LHX9: variants seen among roughly 807,000 people sequenced by gnomAD.
LHX9 encodes the protein LIM/homeobox protein Lhx9.
Under a neutral mutation model 36.5 loss-of-function variants are expected in LHX9, and 9 were observed. The ratio of observed to expected loss-of-function variants is 0.25; its 90% CI spans 0.15 to 0.43. The LOEUF (loss-of-function observed/expected upper bound fraction) is 0.43. Among genes scored for constraint, LHX9 ranks in the 20% least tolerant of loss-of-function variants. LHX9 has a pLI of 1.00. For synonymous variants in LHX9, 211 were observed against 212.1 expected (o/e 0.99, Z 0.04); for missense variants, 464 against 526.4 (o/e 0.88, Z 1.16).
chr1:197,929,663 C>A lies in LHX9; in HGVS notation c.*404C>A. The A allele has an allele frequency of 1.1e-6, 1 of 909,304 alleles. No homozygotes were observed. Among genetic ancestry groups the A allele is most frequent in the Non-Finnish European group, 1.3e-6 (1 of 760,656 alleles). 56.3% of individuals were successfully genotyped at this position (909,304 alleles called of 1,614,324 possible). On this transcript the variant is annotated 3_prime_UTR_variant, in exon 5 of 5. Transcript: ENST00000367387. Reference sequence around the variant, plus strand: ...CTTAAATGATTAGGTTAATAAAGAACCAGATAATTAATTAGTTACTTTTTA... The same window carrying A: ...CTTAAATGATTAGGTTAATAAAGAAACAGATAATTAATTAGTTACTTTTTA...
rs1233011391 is a variant in LHX9 at position 197,933,925 on chromosome 1, T to C, written c.*4666T>C. On this transcript the variant is annotated 3_prime_UTR_variant, in exon 5 of 5. Coordinates refer to ENST00000367387, the MANE Select transcript of LHX9 (RefSeq NM_020204.3). ...AATAGAAAAATGTGGACCTCTTAGT[T>C]GAGAGCAGGACACTAAATTTTCATA... 6.6e-6 allele frequency: 1 copy of C among 152,112 alleles called. No homozygotes were observed. The highest frequency in any genetic ancestry group is 1.5e-5 in the Non-Finnish European group (1 of 68,008). 9.4% of individuals were successfully genotyped at this position (152,112 alleles called of 1,614,324 possible).
Position 197,933,135 on chromosome 1 carries a change from T to A in LHX9, c.*3876T>A, listed in dbSNP as rs2102606445. The A allele has an allele frequency of 6.6e-6, 1 of 152,178 alleles. No individual in the cohort carries two copies. The highest frequency in any genetic ancestry group is 1.9e-4 in the East Asian group (1 of 5,190). 9.4% of individuals were successfully genotyped at this position (152,178 alleles called of 1,614,324 possible). ...TTTTAGCTATTCCTATTTAGCCGTA[T>A]ATCCAAAGCATATGTTAAACAAACT... On this transcript the variant is annotated 3_prime_UTR_variant, in exon 5 of 5. Transcript: ENST00000367387.
At position 197,921,853 on chromosome 1, in the gene LHX9, T is replaced by C. The variant is rs1479716449; in HGVS notation, c.733+194T>C. 6.6e-6 allele frequency among the ~76,000 whole-genome samples: 1 copy of C among 152,200 alleles called. No individual in the cohort carries two copies. Among genetic ancestry groups the C allele is most frequent in the African/African-American group, 2.4e-5 (1 of 41,444 alleles). On this transcript the variant is annotated intron_variant, in intron 3 of 4. Transcript: ENST00000367387. The surrounding 1 kb of genome is among the most constrained non-coding windows in gnomAD (Gnocchi z 4.6). Reference sequence around the variant, plus strand: ...GGGAAGGGAGGGAGAGGCAGCACTTTATTTAGGTTGTGGCAAAAAACACAT... The same window carrying C: ...GGGAAGGGAGGGAGAGGCAGCACTTCATTTAGGTTGTGGCAAAAAACACAT...
chr1:197,917,776 C>G lies in LHX9; in HGVS notation c.-48C>G. 6.2e-7 allele frequency: 1 copy of G among 1,613,908 alleles called. No individual in the cohort carries two copies. The highest frequency in any genetic ancestry group is 8.5e-7 in the Non-Finnish European group (1 of 1,179,914). On this transcript the variant is annotated 5_prime_UTR_variant, in exon 1 of 5. Coordinates refer to ENST00000367387, the MANE Select transcript of LHX9 (RefSeq NM_020204.3). ...CTCCTACAGGGCAGCCCTCTCTGGTCCCTTGCCTCCTTCACTCGGATGAGC... is the reference window on the plus strand; with the variant it reads ...CTCCTACAGGGCAGCCCTCTCTGGTGCCTTGCCTCCTTCACTCGGATGAGC...
chr1:197,917,944 T>C lies in LHX9; in HGVS notation c.121T>C (p.Ser41Pro), dbSNP rs769590567. The C allele has an allele frequency of 1.9e-6, 3 of 1,613,974 alleles. No homozygotes were observed. Among genetic ancestry groups the C allele is most frequent in the Non-Finnish European group, 2.5e-6 (3 of 1,179,992 alleles). The change falls in exon 1 of 5, where the codon TCC (serine) becomes CCC (proline). Residue 41 changes from serine (S) to proline (P), a missense_variant. Around this residue, in one of 5 missense-constraint regions of LHX9, gnomAD observed 119 missense variants for 102.4 expected, o/e 1.16. Transcript: ENST00000367387. ...CATCATGGAGGAGATGGAGCGCAGATCCAAGACTGAGGCCCGTCTGGCCAA... is the reference window on the plus strand; with the variant it reads ...CATCATGGAGGAGATGGAGCGCAGACCCAAGACTGAGGCCCGTCTGGCCAA... ...QGIMEEMERR[S>P]KTEARLAKGA...
At chr1:197,916,795 G>A (rs1440915361), upstream of LHX9, 1 of 702,908 alleles carries the variant, frequency 1.4e-6, no homozygotes, top group South Asian at 1.5e-5. Context: ...TTTTAAAAGT[G>A]GATTGAGGAA....
At chr1:197,920,236 C>A (rs982801593) in intron 2 of LHX9, 62 bp downstream of exon 2, 2 of 1,490,234 alleles carry the variant, frequency 1.3e-6, no homozygotes, top group Non-Finnish European at 1.9e-6. Flanking sequence ...TCTGCCTGAG[C>A]CCGGAATCCC....
intron 3 of LHX9, among the ~76,000 whole-genome samples, chr1:197,922,988 T>C (rs1360988829): frequency 2.0e-5 from 3 of 152,092 alleles, no homozygotes; most frequent in Non-Finnish European, 4.4e-5. Context: ...CTGCTCTGAG[T>C]TTAGAGTTTT....
At position 197,929,123 on chromosome 1, in the gene LHX9, T is replaced by G; in HGVS notation, c.1058T>G (p.Leu353Arg). ...CCGCCCTCAGCAGACAGCGGAGCTC[T>G]CACTCCACCCGGCACTGCGACCACT... ...PAPPSADSGA[L>R]TPPGTATTLT... The change falls in exon 5 of 5, where the codon CTC becomes CGC. Residue 353 changes from leucine to arginine, a missense_variant. Physicochemically the swap from Leu to Arg is moderately radical, Grantham distance 102. Transcript: ENST00000367387. 1 of 1,613,740 alleles carries G rather than the reference T, an allele frequency of 6.2e-7. No homozygotes were observed. The highest frequency in any genetic ancestry group is 8.5e-7 in the Non-Finnish European group (1 of 1,179,892).
Position 197,921,627 on chromosome 1 carries a change from C to G in LHX9, c.701C>G (p.Ala234Gly), listed in dbSNP as rs778060357. Residue 234 changes from alanine (A) to glycine (G), a missense_variant, in exon 3 of 5, where the codon GCG becomes GGG. Around this residue, in one of 5 missense-constraint regions of LHX9, gnomAD observed 130 missense variants for 109.6 expected, o/e 1.19. Coordinates refer to ENST00000367387, the MANE Select transcript of LHX9 (RefSeq NM_020204.3). This position sits in a 1 kb window ranked among gnomAD's most constrained non-coding sequence, Gnocchi z 4.6. ...KGRPRKRKSP[A>G]LGVDIVNYNS... ...CGGCCCCGGAAGCGGAAGAGCCCAG[C>G]GCTGGGAGTGGACATCGTCAATTAC... 3 of 1,597,534 alleles carry G rather than the reference C, an allele frequency of 1.9e-6. No individual in the cohort carries two copies. Among genetic ancestry groups the G allele is most frequent in the Admixed American group, 3.3e-5 (2 of 59,790 alleles).
Position 197,929,650 on chromosome 1 carries a change from G to T in LHX9, c.*391G>T. On this transcript the variant is annotated 3_prime_UTR_variant, in exon 5 of 5. Transcript: ENST00000367387. ...AATCATATTCCCACTTAAATGATTA[G>T]GTTAATAAAGAACCAGATAATTAAT... 2 of 908,592 alleles carry T rather than the reference G, an allele frequency of 2.2e-6. No homozygotes were observed. Among genetic ancestry groups the T allele is most frequent in the Non-Finnish European group, 1.3e-6 (1 of 760,002 alleles). The allele number at this position is 908,592 out of a possible 1,614,324, so 56.3% of individuals were successfully genotyped here.
At chr1:197,928,893 C>CAAAAAA (rs10664707) in intron 4 of LHX9, 109 bp from the exon 5 acceptor site, 3 of 1,021,486 alleles carry the variant, frequency 2.9e-6, no homozygotes, top group Non-Finnish European at 2.6e-6. Context: ...AAACCTATAT[C>CAAAAAA]AAAAAAAAAA....
upstream of LHX9, among the ~76,000 whole-genome samples, chr1:197,915,190 G>A (rs1659711110): frequency 6.6e-6 from 1 of 152,204 alleles, no homozygotes; most frequent in Admixed American, 6.5e-5. Context: ...GTTGGGAGAG[G>A]TTTTAGCACA....
intron 3 of LHX9, 113 bp from the exon 4 acceptor site, chr1:197,927,478 C>A (rs1266745463): frequency 5.6e-6 from 5 of 885,264 alleles, no homozygotes; most frequent in South Asian, 1.4e-5. Flanking sequence ...ATTGGGTTGA[C>A]AACCTTTTTC....
chr1:197,928,984 A>G lies in LHX9; in HGVS notation c.937-18A>G, dbSNP rs753799670. On this transcript the variant is annotated intron_variant, in intron 4 of 4. Transcript: ENST00000367387. Reference sequence around the variant, plus strand: ...AAAATGAACATCGGTAAAGAAATCAATTGGGATTGGTTTGCAGGTTTGGTT... The same window carrying G: ...AAAATGAACATCGGTAAAGAAATCAGTTGGGATTGGTTTGCAGGTTTGGTT... 31 of 1,550,528 alleles carry G rather than the reference A, an allele frequency of 2.0e-5. No homozygotes were observed. Among genetic ancestry groups the G allele is most frequent in the South Asian group, 6.0e-5 (5 of 82,840 alleles).
At position 197,921,662 on chromosome 1, in the gene LHX9, G is replaced by A; in HGVS notation, c.733+3G>A. On this transcript the variant is annotated splice_donor_region_variant and intron_variant, in intron 3 of 4. Coordinates refer to ENST00000367387, the MANE Select transcript of LHX9 (RefSeq NM_020204.3). The surrounding 1 kb of genome is among the most constrained non-coding windows in gnomAD (Gnocchi z 4.6). ...GGACATCGTCAATTACAACTCAGGTGTGCCTCCTATCCTCACCCCCGGCGC... is the reference window on the plus strand; with the variant it reads ...GGACATCGTCAATTACAACTCAGGTATGCCTCCTATCCTCACCCCCGGCGC... 1 of 1,574,634 alleles carries A rather than the reference G, an allele frequency of 6.4e-7. No individual in the cohort carries two copies. Among genetic ancestry groups the A allele is most frequent in the Non-Finnish European group, 8.6e-7 (1 of 1,164,194 alleles).
intron 1 of LHX9, 55 bp downstream of exon 1, chr1:197,918,052 A>G: frequency 6.4e-7 from 1 of 1,562,816 alleles, no homozygotes; most frequent in Non-Finnish European, 8.7e-7. Context: ...CCTCTGTTAA[A>G]CCAAGCCGAC....
chr1:197,919,904 G>A (rs1659914418), intron 1 of LHX9, 68 bp from the exon 2 acceptor site: 1 of 1,549,648 alleles, frequency 6.5e-7, no homozygotes, highest in Admixed American at 1.7e-5. Flanking sequence ...GTCTGCCTGG[G>A]GGAGAACCCC....
Position 197,917,973 on chromosome 1 carries a change from C to T in LHX9, c.150C>T (p.Gly50=), listed in dbSNP as rs201746672. Residue 50 remains glycine (G), a synonymous_variant, in exon 1 of 5, where the codon GGC becomes GGT. Coordinates refer to ENST00000367387, the MANE Select transcript of LHX9 (RefSeq NM_020204.3). ...RSKTEARLAK[G]AQLNGRDAGM... is the part of the protein sequence containing the mutation. ...AGACTGAGGCCCGTCTGGCCAAAGG[C>T]GCCCAGCTCAACGGCCGCGACGCGG... 1 of 1,613,594 alleles carries T rather than the reference C, an allele frequency of 6.2e-7. No homozygotes were observed. Among genetic ancestry groups the T allele is most frequent in the East Asian group, 2.2e-5 (1 of 44,860 alleles).
Sources: allele counts gnomAD v4.1 joint callset (sites outside exome capture counted in the v4.1 genomes callset), GRCh38; gene constraint gnomAD v4.1.1; regional missense constraint gnomAD v4.1.1; non-coding constraint Gnocchi (gnomAD v3.1); transcripts MANE v1.5; gene names NCBI Gene and HGNC (gene_info 2026-07-23, HGNC 2026-07-21).